The following NWD1 variants were observed in gnomAD, a reference collection of about 807,000 sequenced individuals.
NWD1 encodes NACHT domain- and WD repeat-containing protein 1.
A neutral mutation model predicts 135.1 loss-of-function variants in NWD1; 129 were observed. The observed-to-expected ratio is 0.96, with a 90% CI of 0.83 to 1.11. NWD1 has a LOEUF of 1.11. Among genes scored for constraint, NWD1 ranks in the 50% least tolerant of loss-of-function variants. The pLI is 0.00. For missense variants in NWD1, 1,740 were observed against 1,851.3 expected, an observed-to-expected ratio of 0.94 and a Z score of 1.10; for synonymous variants, 773 against 786.0, an observed-to-expected ratio of 0.98 and a Z score of 0.28.
intron 12 of NWD1, among the ~76,000 whole-genome samples, chr19:16,782,724 A>T (rs1482301376): frequency 6.6e-6 from 1 of 151,736 alleles, no homozygotes; most frequent in Admixed American, 6.6e-5. Flanking sequence ...AGCTGGATGC[A>T]GTGGTGTGTG....
intron 18 of NWD1, among the ~76,000 whole-genome samples, chr19:16,808,464 C>T (rs1298009255): frequency 1.3e-5 from 2 of 151,374 alleles, no homozygotes; most frequent in Admixed American, 6.6e-5. Context: ...GCAGGAGAAT[C>T]GCTTGAAATT....
Position 16,749,097 on chromosome 19 carries a change from A to T in NWD1, c.497-42A>T, listed in dbSNP as rs185656975. On this transcript the variant is annotated intron_variant, in intron 5 of 18. Transcript: ENST00000524140. ...CCCCATTTAGGTCAGCTGCTGACCC[A>T]ATAATGACCACACTTCCTTCCCACC... The T allele has an allele frequency of 1.5e-4, 226 of 1,510,650 alleles. 1 individual carries two copies. In the East Asian group the frequency reaches 4.6e-3, roughly 31 times the overall value. The allele number at this position is 1,510,650 out of a possible 1,614,324, so 93.6% of individuals were successfully genotyped here. A position where few individuals can be genotyped will look rare whatever the true frequency, so the allele number is the denominator to read the frequency against.
chr19:16,802,347 C>G (rs1950011576), intron 17 of NWD1, among the ~76,000 whole-genome samples: 1 of 150,422 alleles, frequency 6.6e-6, no homozygotes, highest in South Asian at 2.1e-4. Context: ...GTAGTCTCAG[C>G]TACTTGAGAG....
At chr19:16,771,825 C>T (rs926376518) in intron 10 of NWD1, among the ~76,000 whole-genome samples, 4 of 147,434 alleles carry the variant, frequency 2.7e-5, no homozygotes, top group African/African-American at 7.5e-5. Context: ...AACGCGATCA[C>T]GAGTCCTTTT....
At chr19:16,730,911 CTTTTTTT>C (rs11445714) in intron 2 of NWD1, among the ~76,000 whole-genome samples, 3 of 122,884 alleles carry the variant, frequency 2.4e-5, no homozygotes, top group East Asian at 2.3e-4. Context: ...TTCTTTCTTT[CTTTTTTT>C]TTTTTTTTTT....
At chr19:16,729,578 A>G (rs1239250040) in intron 2 of NWD1, among the ~76,000 whole-genome samples, 2 of 127,098 alleles carry the variant, frequency 1.6e-5, no homozygotes, top group Non-Finnish European at 3.2e-5. Flanking sequence ...TACAAAAAGT[A>G]AAAAAAAAAA....
chr19:16,738,252 A>T (rs992616001), intron 4 of NWD1: 3 of 453,452 alleles, frequency 6.6e-6, no homozygotes, highest in Non-Finnish European at 1.3e-5. Context: ...CCTGTCCTGG[A>T]CAGTAAAGAG....
chr19:16,804,886 A>T (rs1169859493), intron 17 of NWD1, among the ~76,000 whole-genome samples: 1 of 151,844 alleles, frequency 6.6e-6, no homozygotes, highest in Non-Finnish European at 1.5e-5. Context: ...GTGAAGAGGT[A>T]CAATGACGGC....
Position 16,807,600 on chromosome 19 carries a change from T to A in NWD1, c.3751T>A (p.Ser1251Thr). Reference protein sequence around the residue: ...WDLAEGEEQDSLDTSSEIRCL... With the variant: ...WDLAEGEEQDTLDTSSEIRCL... ...TTCCCTGGCAGGCGAGGAACAAGAT[T>A]CCCTGGACACCTCCAGTGAGATCAG... Residue 1251 changes from serine to threonine, a missense_variant, in exon 18 of 19, where the codon TCC (serine) becomes ACC (threonine). Coordinates refer to ENST00000524140, the MANE Select transcript of NWD1 (RefSeq NM_001007525.5). 6.6e-7 allele frequency: 1 copy of A among 1,524,586 alleles called. No homozygotes were observed. Among genetic ancestry groups the A allele is most frequent in the Non-Finnish European group, 8.8e-7 (1 of 1,136,524 alleles). 94.4% of individuals were successfully genotyped at this position (1,524,586 alleles called of 1,614,324 possible).
rs1969176372 is a variant in NWD1 at position 16,765,151 on chromosome 19, C to T, written c.2369C>T (p.Ala790Val). The T allele has an allele frequency of 6.2e-7, 1 of 1,614,138 alleles. No homozygotes were observed. Among genetic ancestry groups the T allele is most frequent in the Non-Finnish European group, 8.5e-7 (1 of 1,180,014 alleles). Residue 790 changes from alanine to valine, a missense_variant, in exon 10 of 19, where the codon GCC becomes GTC. Coordinates refer to ENST00000524140, the MANE Select transcript of NWD1 (RefSeq NM_001007525.5). ...DSPEVGLVRE[A>V]LQLCRPAVEL... is the part of the protein sequence containing the mutation. Reference sequence around the variant, plus strand: ...CCTGAGGTTGGCCTGGTCCGTGAAGCCCTCCAGCTCTGCCGCCCTGCTGTG... The same window carrying T: ...CCTGAGGTTGGCCTGGTCCGTGAAGTCCTCCAGCTCTGCCGCCCTGCTGTG...
rs1470454304 is a variant in NWD1, at chr19:16,750,180, G to C, written c.1538G>C (p.Arg513Thr). 4 of 1,613,572 alleles carry C rather than the reference G, an allele frequency of 2.5e-6. No individual in the cohort carries two copies. The stretch of plus-strand genomic sequence containing the variant: ...CAACTCCTGCTGGCAGCTGCAAGGA[G>C]GACGCTGAGCCCGGTGCACACAGAT... ...MIQLLLAAAR[R>T]TLSPVHTDLL... Residue 513 changes from arginine to threonine, a missense_variant, in exon 6 of 19, where the codon AGG (arginine) becomes ACG (threonine). Arg to Thr is a moderately conservative substitution (Grantham distance 71). Coordinates refer to ENST00000524140, the MANE Select transcript of NWD1 (RefSeq NM_001007525.5).
chr19:16,794,540 C>T lies in NWD1; in HGVS notation c.3291C>T (p.Ser1097=). 4 of 1,605,794 alleles carry T rather than the reference C, an allele frequency of 2.5e-6. No individual in the cohort carries two copies. Among genetic ancestry groups the T allele is most frequent in the Non-Finnish European group, 2.6e-6 (3 of 1,174,674 alleles). ...VRFLVVSEDE[S]LLAAGFGRSV... Reference sequence around the variant, plus strand: ...TCCTGGTGGTCTCTGAAGATGAGTCCCTCCTCGCCGCAGGTAGCGTTTAGC... The same window carrying T: ...TCCTGGTGGTCTCTGAAGATGAGTCTCTCCTCGCCGCAGGTAGCGTTTAGC... The change falls in exon 15 of 19, where the codon TCC becomes TCT. Residue 1097 remains serine, a synonymous_variant. Transcript: ENST00000524140.
Position 16,745,185 on chromosome 19 carries a change from C to T in NWD1, c.496+467C>T, listed in dbSNP as rs1196275918. 3 of 400,348 alleles carry T rather than the reference C, an allele frequency of 7.5e-6. No individual in the cohort carries two copies. In the East Asian group the frequency reaches 2.2e-4, roughly 29 times the overall value. The allele number at this position is 400,348 out of a possible 1,614,324, so 24.8% of individuals were successfully genotyped here. On this transcript the variant is annotated intron_variant, in intron 5 of 18. Transcript: ENST00000524140. The stretch of plus-strand genomic sequence containing the variant: ...GAGAGCCAAGCGAAAGGGGAAATTC[C>T]TTATAAAACCATCAGATCTTGTGAG...
intron 18 of NWD1, chr19:16,812,671 AAAACAAACAAAC>A (rs200852831): frequency 3.2e-4 from 247 of 768,988 alleles, no homozygotes; most frequent in Non-Finnish European, 5.0e-4. Flanking sequence ...CTCCATCTCA[AAAACAAACAAAC>A]AAACAAACAA....
chr19:16,737,964 C>CAAAAGAAAA lies in NWD1; in HGVS notation c.198+1214_198+1215insAAAAGAAAA, dbSNP rs147713373. On this transcript the variant is annotated intron_variant, in intron 4 of 18. Transcript: ENST00000524140. Reference sequence around the variant, plus strand: ...TGGGCGACAGAGCAAGACTCTATCTCGAAAAGAAAAGAAAAGAAAAGAAAA... The same window carrying CAAAAGAAAA: ...TGGGCGACAGAGCAAGACTCTATCTCAAAAGAAAAGAAAAGAAAAGAAAAGAAAAGAAAA... 4.7e-4 allele frequency among the ~76,000 whole-genome samples: 59 copies of CAAAAGAAAA among 124,540 alleles called. 3 individuals are homozygous for CAAAAGAAAA. The highest frequency in any genetic ancestry group is 5.6e-4 in the African/African-American group (17 of 30,444). 81.7% of individuals were successfully genotyped at this position (124,540 alleles called of 152,430 possible).
At chr19:16,797,659 T>A (rs1242956132) in intron 15 of NWD1, 73 bp from the exon 16 acceptor site, 1 of 1,420,814 alleles carries the variant, frequency 7.0e-7, no homozygotes, top group Non-Finnish European at 9.7e-7. Flanking sequence ...CCAAAACACC[T>A]CTGTTGATGG....
At chr19:16,738,975 C>T (rs1967970776) in intron 4 of NWD1, among the ~76,000 whole-genome samples, 1 of 148,584 alleles carries the variant, frequency 6.7e-6, no homozygotes, top group Non-Finnish European at 1.5e-5. Context: ...TGAAGCAATC[C>T]TCCAGCCTTA....
At chr19:16,760,815 C>T (rs1416061152) in intron 7 of NWD1, among the ~76,000 whole-genome samples, 1 of 152,156 alleles carries the variant, frequency 6.6e-6, no homozygotes, top group Admixed American at 6.5e-5. Flanking sequence ...GTCTCAAACT[C>T]CTGACCTCAG....
At chr19:16,791,102 T>G (rs1279998776) in intron 13 of NWD1, among the ~76,000 whole-genome samples, 1 of 151,878 alleles carries the variant, frequency 6.6e-6, no homozygotes, top group Non-Finnish European at 1.5e-5. Flanking sequence ...GGCATGGTGG[T>G]GCGTGTCTGT....
Sources: allele counts gnomAD v4.1 joint callset (sites outside exome capture counted in the v4.1 genomes callset), GRCh38; gene constraint gnomAD v4.1.1; transcripts MANE v1.5; gene names NCBI Gene and HGNC (gene_info 2026-07-23, HGNC 2026-07-21).